ARHGAP15: variants seen among roughly 807,000 people sequenced by gnomAD.
ARHGAP15 encodes Rho GTPase activating protein 15, also known as rho GTPase-activating protein 15.
Under a neutral mutation model 63.7 loss-of-function variants are expected in ARHGAP15, and 51 were observed. The ratio of observed to expected loss-of-function variants is 0.80; its 90% CI spans 0.64 to 1.01. ARHGAP15 has a LOEUF of 1.01. ARHGAP15 is among the 50% of genes least tolerant of loss of function. The pLI, the probability that ARHGAP15 is intolerant of heterozygous loss-of-function variation, is 0.00. For synonymous variants in ARHGAP15, 191 were observed against 193.8 expected (o/e 0.99, Z 0.12); for missense variants, 560 against 564.6 (o/e 0.99, Z 0.08).
intron 4 of ARHGAP15, among the ~76,000 whole-genome samples, chr2:143,225,601 G>A (rs1187961527): frequency 1.3e-5 from 2 of 149,838 alleles, no homozygotes; most frequent in African/African-American, 2.5e-5. Flanking sequence ...GCGAGACTCC[G>A]TCTCAAAAAA....
chr2:143,519,215 G>C (rs1454900468), intron 9 of ARHGAP15, 51 bp from the exon 10 acceptor site: 1 of 1,372,134 alleles, frequency 7.3e-7, no homozygotes, highest in African/African-American at 1.4e-5. Context: ...TCAAATTAAA[G>C]AACAACGCAA....
chr2:143,298,369 C>G (rs1450238819), intron 6 of ARHGAP15, among the ~76,000 whole-genome samples: 3 of 151,946 alleles, frequency 2.0e-5, no homozygotes, highest in Non-Finnish European at 4.4e-5. Flanking sequence ...TCTTAGTACA[C>G]CATGGTATTG....
At chr2:143,479,874 CA>C (rs5834953) in intron 8 of ARHGAP15, among the ~76,000 whole-genome samples, 148,379 of 149,810 alleles carry the variant, frequency 0.99, 73,493 homozygotes, top group East Asian at 1. Context: ...ACCTGTGACG[CA>C]AAAAAAAAAA....
chr2:143,396,860 A>G (rs993182875), intron 6 of ARHGAP15, among the ~76,000 whole-genome samples: 3 of 152,110 alleles, frequency 2.0e-5, no homozygotes, highest in Non-Finnish European at 4.4e-5. Context: ...AGGAATATGT[A>G]TATAGCTCTT....
At chr2:143,516,970 G>T (rs1229244526) in intron 9 of ARHGAP15, among the ~76,000 whole-genome samples, 1 of 140,636 alleles carries the variant, frequency 7.1e-6, no homozygotes, top group Non-Finnish European at 1.5e-5. Flanking sequence ...GTTGTTTTGA[G>T]ATGGAGTCTC....
chr2:143,345,009 A>G (rs1057005766), intron 6 of ARHGAP15, among the ~76,000 whole-genome samples: 1 of 152,092 alleles, frequency 6.6e-6, no homozygotes, highest in Non-Finnish European at 1.5e-5. Context: ...TCTTACTTCA[A>G]CAAGGTGTGA....
At chr2:143,217,282 A>T (rs1444752819) in intron 4 of ARHGAP15, among the ~76,000 whole-genome samples, 1 of 152,202 alleles carries the variant, frequency 6.6e-6, no homozygotes, top group African/African-American at 2.4e-5. Context: ...CAGAGAATAA[A>T]GTCTGCTTTT....
chr2:143,547,566 T>C lies in ARHGAP15; in HGVS notation c.926-8842T>C, dbSNP rs571174779. Among the ~76,000 whole-genome samples the C allele has an allele frequency of 1.7e-4, 8 of 46,786 alleles. No individual in the cohort carries two copies. In the East Asian group the frequency reaches 4.3e-3, roughly 25 times the overall value. The allele number at this position is 46,786 out of a possible 152,430, so 30.7% of individuals were successfully genotyped here. On this transcript the variant is annotated intron_variant, in intron 10 of 13. Transcript: ENST00000295095. Reference sequence around the variant, plus strand: ...AAAGGTATAGATAAGCATCTCCAATTATAAAAAAAAAAAATTGGTTAGATA... The same window carrying C: ...AAAGGTATAGATAAGCATCTCCAATCATAAAAAAAAAAAATTGGTTAGATA...
At chr2:143,683,058 G>A (rs899209798) in intron 12 of ARHGAP15, 1 of 152,142 alleles carries the variant, frequency 6.6e-6, no homozygotes, top group Non-Finnish European at 1.5e-5. Flanking sequence ...TATTGCCTAA[G>A]TGACATATTG....
chr2:143,136,031 A>G (rs1689120138), intron 1 of ARHGAP15, among the ~76,000 whole-genome samples: 1 of 152,002 alleles, frequency 6.6e-6, no homozygotes, highest in South Asian at 2.1e-4. Flanking sequence ...CTCAAAGCAA[A>G]TCTCCTAATT....
chr2:143,482,772 C>G (rs1440869406), intron 8 of ARHGAP15, among the ~76,000 whole-genome samples: 1 of 152,168 alleles, frequency 6.6e-6, no homozygotes, highest in Admixed American at 6.5e-5. Flanking sequence ...CCACGCACTT[C>G]TTAACATTTT....
intron 2 of ARHGAP15, among the ~76,000 whole-genome samples, chr2:143,188,100 T>A (rs1475300204): frequency 1.3e-5 from 2 of 152,126 alleles, no homozygotes; most frequent in Non-Finnish European, 2.9e-5. Context: ...ATATTACGCA[T>A]ATACTGTTTT....
intron 11 of ARHGAP15, among the ~76,000 whole-genome samples, chr2:143,606,060 A>C (rs1056098994): frequency 1.4e-4 from 12 of 84,742 alleles, no homozygotes; most frequent in Admixed American, 5.5e-4. Context: ...AAAAAAAAAA[A>C]AAAAAAAAAA....
At chr2:143,189,706 C>T (rs1418213718) in intron 2 of ARHGAP15, among the ~76,000 whole-genome samples, 2 of 152,078 alleles carry the variant, frequency 1.3e-5, no homozygotes, top group Non-Finnish European at 2.9e-5. Flanking sequence ...AAGTGATCCA[C>T]CCACCTCAGC....
chr2:143,228,523 T>C, intron 4 of ARHGAP15, 58 bp from the exon 5 acceptor site: 2 of 1,199,812 alleles, frequency 1.7e-6, no homozygotes, highest in Non-Finnish European at 2.4e-6. Context: ...ATACTGTATC[T>C]ATAAATGATT....
intron 6 of ARHGAP15, among the ~76,000 whole-genome samples, chr2:143,364,219 A>T (rs376914448): frequency 6.6e-6 from 1 of 152,092 alleles, no homozygotes; most frequent in Non-Finnish European, 1.5e-5. Flanking sequence ...AAAAAAAAAA[A>T]CATTCAATCA....
At chr2:143,209,509 T>C (rs1692485273) in intron 3 of ARHGAP15, among the ~76,000 whole-genome samples, 1 of 151,208 alleles carries the variant, frequency 6.6e-6, no homozygotes, top group Admixed American at 6.6e-5. Context: ...AAGTGTTAAA[T>C]AAAGGAAGGC....
intron 13 of ARHGAP15, among the ~76,000 whole-genome samples, chr2:143,715,011 C>T (rs1332709366): frequency 6.6e-6 from 1 of 152,166 alleles, no homozygotes; most frequent in Non-Finnish European, 1.5e-5. Context: ...AGCAACGCCC[C>T]ACTCTATTAG....
chr2:143,678,189 C>A (rs1682921351), intron 12 of ARHGAP15, among the ~76,000 whole-genome samples: 1 of 152,178 alleles, frequency 6.6e-6, no homozygotes, highest in African/African-American at 2.4e-5. Flanking sequence ...TCCAGCCTGG[C>A]TGACAGAGCA....
Sources: allele counts gnomAD v4.1 joint callset (sites outside exome capture counted in the v4.1 genomes callset), GRCh38; gene constraint gnomAD v4.1.1; transcripts MANE v1.5; gene names NCBI Gene and HGNC (gene_info 2026-07-23, HGNC 2026-07-21).